ZBTB20: variants seen among roughly 807,000 people sequenced by gnomAD.
ZBTB20 encodes the protein zinc finger and BTB domain-containing protein 20.
In ZBTB20, 9 loss-of-function variants were observed where a neutral mutation model predicts 56.9. The observed-to-expected ratio is 0.16, with a 90% CI of 0.10 to 0.28. The LOEUF (loss-of-function observed/expected upper bound fraction) is 0.28, where lower values mean the gene tolerates loss of function less well. ZBTB20 is among the 10% of genes least tolerant of loss of function. ZBTB20 has a pLI of 1.00. For missense variants in ZBTB20, 655 were observed against 1,003.0 expected (o/e 0.65, Z 4.69); for synonymous variants, 417 against 420.7 (o/e 0.99, Z 0.11).
At chr3:114,975,001 A>T (rs546013845) in intron 2 of ZBTB20, among the ~76,000 whole-genome samples, 10 of 152,318 alleles carry the variant, frequency 6.6e-5, no homozygotes, top group African/African-American at 1.4e-4. Flanking sequence ...AGGCATTGAC[A>T]TTAAAACATG....
At chr3:114,535,536 A>T (rs917141091) in intron 6 of ZBTB20, among the ~76,000 whole-genome samples, 3 of 152,196 alleles carry the variant, frequency 2.0e-5, no homozygotes, top group African/African-American at 7.2e-5. Flanking sequence ...GACCAGACGA[A>T]TTCACAGCTG....
chr3:115,059,204 C>T (rs2081927379), intron 2 of ZBTB20, among the ~76,000 whole-genome samples: 1 of 152,052 alleles, frequency 6.6e-6, no homozygotes, highest in Non-Finnish European at 1.5e-5. Flanking sequence ...TCACATTTTC[C>T]AGCTTTTTCA....
chr3:115,069,567 A>T (rs755165843), intron 2 of ZBTB20, among the ~76,000 whole-genome samples: 1 of 152,094 alleles, frequency 6.6e-6, no homozygotes, highest in African/African-American at 2.4e-5. Flanking sequence ...GTTACCATCA[A>T]ACTTGCTCTT....
At chr3:114,413,072 A>T (rs947782013) in intron 7 of ZBTB20, among the ~76,000 whole-genome samples, 5 of 152,158 alleles carry the variant, frequency 3.3e-5, no homozygotes, top group Non-Finnish European at 7.4e-5. Flanking sequence ...ACGGCAACTC[A>T]TGGGTGGGAT....
intron 7 of ZBTB20, chr3:114,419,153 A>G (rs2088881429): frequency 6.6e-6 from 1 of 152,172 alleles, no homozygotes; most frequent in Admixed American, 6.6e-5. Context: ...ACATGACATT[A>G]AAAACACCAG....
intron 5 of ZBTB20, among the ~76,000 whole-genome samples, chr3:114,716,791 C>T (rs147910373): frequency 2.1e-4 from 32 of 152,172 alleles, no homozygotes; most frequent in Admixed American, 6.5e-4. Flanking sequence ...TATAGATTTT[C>T]AACCCTTATG....
At chr3:115,023,364 A>C (rs1309108693) in intron 2 of ZBTB20, among the ~76,000 whole-genome samples, 1 of 150,844 alleles carries the variant, frequency 6.6e-6, no homozygotes, top group Non-Finnish European at 1.5e-5. Context: ...TGAATCCCAT[A>C]AACTCTCTTT....
intron 5 of ZBTB20, among the ~76,000 whole-genome samples, chr3:114,698,745 C>T (rs879340639): frequency 3.9e-5 from 6 of 152,132 alleles, no homozygotes; most frequent in Non-Finnish European, 7.4e-5. Flanking sequence ...TTCTAGTCAT[C>T]CAGTTGTCTT....
chr3:114,795,333 T>C (rs368911877), intron 5 of ZBTB20, among the ~76,000 whole-genome samples: 66 of 152,224 alleles, frequency 4.3e-4, no homozygotes, highest in Admixed American at 9.2e-4. Flanking sequence ...GTGTATCTAC[T>C]ATGTGCTTTC....
chr3:114,472,789 A>G (rs1028789234), intron 7 of ZBTB20, among the ~76,000 whole-genome samples: 1 of 152,154 alleles, frequency 6.6e-6, no homozygotes, highest in Non-Finnish European at 1.5e-5. Flanking sequence ...ACCCTGGGGA[A>G]GCTTCAGAAT....
At chr3:114,454,172 AAGG>A (rs2091837179) in intron 7 of ZBTB20, among the ~76,000 whole-genome samples, 3 of 51,240 alleles carry the variant, frequency 5.9e-5, no homozygotes, top group Admixed American at 4.8e-4. Context: ...AGGAAAAGAG[AAGG>A]GAGAGAGAGA....
chr3:114,407,308 T>C (rs887246903), intron 7 of ZBTB20, among the ~76,000 whole-genome samples: 1 of 152,214 alleles, frequency 6.6e-6, no homozygotes, highest in African/African-American at 2.4e-5. Flanking sequence ...TTGCTCAGGG[T>C]TGTAACTCAG....
At chr3:114,730,822 A>G (rs1043902577) in intron 5 of ZBTB20, among the ~76,000 whole-genome samples, 4 of 152,154 alleles carry the variant, frequency 2.6e-5, no homozygotes, top group African/African-American at 9.7e-5. Flanking sequence ...ATCAGTGCCT[A>G]TATGGTGCCT....
At chr3:115,061,838 AT>A (rs984622900) in intron 2 of ZBTB20, among the ~76,000 whole-genome samples, 3 of 152,230 alleles carry the variant, frequency 2.0e-5, no homozygotes, top group Non-Finnish European at 4.4e-5. Context: ...TATTTATTTT[AT>A]GACAGAAATA....
chr3:114,506,797 C>T (rs976277174), intron 6 of ZBTB20, among the ~76,000 whole-genome samples: 1 of 152,148 alleles, frequency 6.6e-6, no homozygotes, highest in African/African-American at 2.4e-5. Flanking sequence ...AATCTGGCCC[C>T]GGCCCACCTC....
intron 7 of ZBTB20, among the ~76,000 whole-genome samples, chr3:114,391,048 T>A (rs909576372): frequency 6.6e-6 from 1 of 152,154 alleles, no homozygotes; most frequent in Admixed American, 6.5e-5. Context: ...TCTACTCTGA[T>A]TGTGATTCCT....
intron 10 of ZBTB20, among the ~76,000 whole-genome samples, chr3:114,376,791 G>A (rs936541755): frequency 6.6e-6 from 1 of 152,198 alleles, no homozygotes; most frequent in African/African-American, 2.4e-5. Context: ...TATAAAACAT[G>A]GGAAGGTAAG....
At chr3:115,047,642 T>A (rs2081380761) in intron 2 of ZBTB20, among the ~76,000 whole-genome samples, 1 of 152,196 alleles carries the variant, frequency 6.6e-6, no homozygotes, top group East Asian at 1.9e-4. Flanking sequence ...CAAAATTTAA[T>A]AAATGTAAAC....
chr3:115,052,940 G>A (rs1468632829), intron 2 of ZBTB20, among the ~76,000 whole-genome samples: 8 of 151,914 alleles, frequency 5.3e-5, no homozygotes, highest in Non-Finnish European at 8.8e-5. Flanking sequence ...TTCAAAAAAC[G>A]TTTATAGCTA....
Sources: allele counts gnomAD v4.1 joint callset (sites outside exome capture counted in the v4.1 genomes callset), GRCh38; gene constraint gnomAD v4.1.1; transcripts MANE v1.5; gene names NCBI Gene and HGNC (gene_info 2026-07-23, HGNC 2026-07-21).